The following PHLPP2 variants were observed in gnomAD, a reference collection of about 807,000 sequenced individuals.
PHLPP2 encodes the protein PH domain leucine-rich repeat-containing protein phosphatase 2.
Under a neutral mutation model 124.9 loss-of-function variants are expected in PHLPP2, and 66 were observed. That is an observed-to-expected ratio of 0.53 (90% CI 0.43 to 0.65). The LOEUF is 0.65. PHLPP2 is among the 30% of genes least tolerant of loss of function. PHLPP2 has a pLI of 0.00. For missense variants in PHLPP2, 1,685 were observed against 1,600.4 expected, an observed-to-expected ratio of 1.05 and a Z score of -0.90; for synonymous variants, 681 against 624.7, an observed-to-expected ratio of 1.09 and a Z score of -1.34.
At chr16:71,660,009 ATAAC>A (rs750973628) in intron 13 of PHLPP2, among the ~76,000 whole-genome samples, 51 of 152,258 alleles carry the variant, frequency 3.3e-4, no homozygotes, top group Admixed American at 5.9e-4. Context: ...ATATTTTTAA[ATAAC>A]TAAGCTTTGT....
rs16973434 is a variant in PHLPP2, at chr16:71,698,610, G to A, written c.418+3988C>T. Reference sequence around the variant, plus strand: ...TTAGAGCAACCCATACAAGAAACAGGCTGAGTACGCTACCAAGGAAGCTGC... The same window carrying A: ...TTAGAGCAACCCATACAAGAAACAGACTGAGTACGCTACCAAGGAAGCTGC... On this transcript the variant is annotated intron_variant, in intron 3 of 18. Coordinates refer to ENST00000568954, the MANE Select transcript of PHLPP2 (RefSeq NM_015020.3). The A allele has an allele frequency of 2.4e-3, 1,484 of 609,218 alleles. 29 individuals are homozygous for A. The highest frequency in any genetic ancestry group is 0.024 in the African/African-American group (1,321 of 54,720). The allele number at this position is 609,218 out of a possible 1,614,324, so 37.7% of individuals were successfully genotyped here. A position where few individuals can be genotyped will look rare whatever the true frequency, so the allele number is the denominator to read the frequency against.
At chr16:71,692,516 A>G (rs1374450271) in intron 3 of PHLPP2, among the ~76,000 whole-genome samples, 7 of 152,214 alleles carry the variant, frequency 4.6e-5, no homozygotes, top group African/African-American at 1.7e-4. Flanking sequence ...TCAAAGCCTT[A>G]AAATTGTATT....
intron 13 of PHLPP2, among the ~76,000 whole-genome samples, chr16:71,660,499 C>T (rs541617537): frequency 2.3e-4 from 31 of 135,270 alleles, no homozygotes; most frequent in Admixed American, 1.8e-3. Flanking sequence ...AATCTTGGCT[C>T]GCTGCAACCT....
intron 2 of PHLPP2, among the ~76,000 whole-genome samples, chr16:71,710,523 A>G (rs915907094): frequency 1.3e-5 from 2 of 152,250 alleles, no homozygotes; most frequent in African/African-American, 4.8e-5. Flanking sequence ...TGCAACACCA[A>G]TTCTAAGACT....
At chr16:71,663,748 G>A (rs753492330) in intron 13 of PHLPP2, 151 bp downstream of exon 13, 1 of 656,940 alleles carries the variant, frequency 1.5e-6, no homozygotes, top group Non-Finnish European at 2.7e-6. Context: ...TAACTATTAA[G>A]ATGAGATTTT....
At chr16:71,658,565 T>G in intron 14 of PHLPP2, 88 bp downstream of exon 14, 1 of 1,386,258 alleles carries the variant, frequency 7.2e-7, no homozygotes, top group Admixed American at 2.1e-5. Context: ...TTCACACTCC[T>G]TTCTTCTTCT....
At chr16:71,655,564 ATG>A in intron 16 of PHLPP2, 130 bp from the exon 17 acceptor site, 5 of 629,160 alleles carry the variant, frequency 7.9e-6, no homozygotes, top group Non-Finnish European at 1.3e-5. Flanking sequence ...GTGCAGTGGC[ATG>A]ATCTTGCCTC....
chr16:71,678,094 C>G (rs1567618963), intron 8 of PHLPP2: 1 of 152,082 alleles, frequency 6.6e-6, no homozygotes, highest in East Asian at 1.9e-4. Context: ...TTTAGGAGGC[C>G]AAGGCAGGAG....
At chr16:71,695,283 A>C (rs145600464) in intron 3 of PHLPP2, among the ~76,000 whole-genome samples, 1 of 152,364 alleles carries the variant, frequency 6.6e-6, no homozygotes, top group African/African-American at 2.4e-5. Context: ...ATACAGGTGC[A>C]TAAAGAGATA....
intron 9 of PHLPP2, among the ~76,000 whole-genome samples, chr16:71,673,455 C>A (rs1447507353): frequency 1.3e-5 from 2 of 152,138 alleles, no homozygotes; most frequent in Non-Finnish European, 2.9e-5. Context: ...TAACTGATCA[C>A]ATTTAGATAA....
intron 1 of PHLPP2, among the ~76,000 whole-genome samples, chr16:71,721,894 G>A (rs1257798952): frequency 6.6e-6 from 1 of 152,194 alleles, no homozygotes; most frequent in Non-Finnish European, 1.5e-5. Context: ...AGATGGAACT[G>A]GATCTAGTCT....
intron 13 of PHLPP2, among the ~76,000 whole-genome samples, 196 bp downstream of exon 13, chr16:71,663,703 C>G (rs551103574): frequency 6.6e-6 from 1 of 152,130 alleles, no homozygotes; most frequent in Non-Finnish European, 1.5e-5. Context: ...CATATTTTAA[C>G]CAATTTTCCT....
At chr16:71,703,211 C>A (rs2045247992) in intron 2 of PHLPP2, among the ~76,000 whole-genome samples, 1 of 152,136 alleles carries the variant, frequency 6.6e-6, no homozygotes. Flanking sequence ...TTCTATGATA[C>A]AACTAATCTA....
chr16:71,684,498 C>A lies in PHLPP2; in HGVS notation c.713G>T (p.Arg238Leu). The A allele has an allele frequency of 6.2e-7, 1 of 1,613,904 alleles. No homozygotes were observed. Among genetic ancestry groups the A allele is most frequent in the Non-Finnish European group, 8.5e-7 (1 of 1,179,972 alleles). The change falls in exon 5 of 19, where the codon CGA becomes CTA. Residue 238 changes from arginine (R) to leucine (L), a missense_variant. Coordinates refer to ENST00000568954, the MANE Select transcript of PHLPP2 (RefSeq NM_015020.3). ...VSFETLAEYQ[R>L]WQRQASKVVS... Reference sequence around the variant, plus strand: ...CACCTTGGATGCTTGCCGTTGCCATCGCTGGTACTCGGCCAAAGTCTCGAA... The same window carrying A: ...CACCTTGGATGCTTGCCGTTGCCATAGCTGGTACTCGGCCAAAGTCTCGAA...
intron 1 of PHLPP2, chr16:71,723,717 C>G (rs1444485936): frequency 2.2e-6 from 2 of 902,356 alleles, no homozygotes; most frequent in Non-Finnish European, 3.1e-6. Context: ...CCTCCCTAGT[C>G]CGCTTGCCCG....
At position 71,646,681 on chromosome 16, in the gene PHLPP2, T is replaced by C. The variant is rs907288491; in HGVS notation, c.*2209A>G. ...ATCACTCATCACTATCATCCTGTTA[T>C]TTCATTTTCATTTTTTCTTCATTAA... On this transcript the variant is annotated 3_prime_UTR_variant, in exon 19 of 19. Coordinates refer to ENST00000568954, the MANE Select transcript of PHLPP2 (RefSeq NM_015020.3). 11 of 151,544 alleles carry C rather than the reference T, an allele frequency of 7.3e-5. No individual in the cohort carries two copies. Among genetic ancestry groups the C allele is most frequent in the African/African-American group, 2.4e-4 (10 of 41,256 alleles). 9.4% of individuals were successfully genotyped at this position (151,544 alleles called of 1,614,324 possible). A position where few individuals can be genotyped will look rare whatever the true frequency, so the allele number is the denominator to read the frequency against.
intron 3 of PHLPP2, among the ~76,000 whole-genome samples, chr16:71,691,629 C>T (rs1597007586): frequency 6.6e-6 from 1 of 152,178 alleles, no homozygotes; most frequent in Non-Finnish European, 1.5e-5. Context: ...CAGGAGTACT[C>T]TAATTTTGTA....
At chr16:71,699,866 G>A (rs2145366092) in intron 3 of PHLPP2, among the ~76,000 whole-genome samples, 1 of 152,338 alleles carries the variant, frequency 6.6e-6, no homozygotes. Flanking sequence ...TGGTGCTAAA[G>A]CAGGCAGCCA....
Position 71,678,787 on chromosome 16 carries a change from A to G in PHLPP2, c.1236T>C (p.Asn412=), listed in dbSNP as rs147909271. ...CCACATGCTTGATATGGTTCATCCT[A>G]TTCAGCACCCCTAAGTTCAGGACTT... is the stretch of plus-strand genomic sequence containing the variant. The part of the protein sequence containing the change: ...CLEVLNLGVL[N]RMNHIKHVDL... The change falls in exon 8 of 19, where the codon AAT becomes AAC. Residue 412 remains asparagine, a synonymous_variant. Coordinates refer to ENST00000568954, the MANE Select transcript of PHLPP2 (RefSeq NM_015020.3). The G allele has an allele frequency of 4.5e-4, 726 of 1,606,466 alleles. No individual in the cohort carries two copies. Among genetic ancestry groups the G allele is most frequent in the Non-Finnish European group, 5.8e-4 (686 of 1,173,134 alleles).
Sources: gnomAD v4.1 joint callset for allele counts (sites outside exome capture counted in the v4.1 genomes callset) on GRCh38, gnomAD v4.1.1 for gene constraint, MANE v1.5 for transcripts, NCBI Gene and HGNC (gene_info 2026-07-23, HGNC 2026-07-21) for gene names.